RANBP10: variants seen among roughly 807,000 people sequenced by gnomAD.
RANBP10 encodes RAN binding protein 10.
Under a neutral mutation model 72.8 loss-of-function variants are expected in RANBP10, and 24 were observed. The ratio of observed to expected loss-of-function variants is 0.33; its 90% CI spans 0.24 to 0.46. The LOEUF (loss-of-function observed/expected upper bound fraction) is 0.46, where lower values mean the gene tolerates loss of function less well. RANBP10 is among the 20% of genes least tolerant of loss of function. The pLI, the probability that RANBP10 is intolerant of heterozygous loss-of-function variation, is 1.00. For missense variants in RANBP10, 679 were observed against 817.5 expected, an observed-to-expected ratio of 0.83 and a Z score of 2.07; for synonymous variants, 310 against 322.3, an observed-to-expected ratio of 0.96 and a Z score of 0.41.
intron 4 of RANBP10, among the ~76,000 whole-genome samples, chr16:67,742,513 G>A (rs2053989001): frequency 6.6e-6 from 1 of 152,216 alleles, no homozygotes; most frequent in African/African-American, 2.4e-5. Context: ...ATCCACTAAG[G>A]AGATGGATGT....
intron 2 of RANBP10, among the ~76,000 whole-genome samples, chr16:67,776,434 C>T (rs1420527666): frequency 7.1e-6 from 1 of 141,182 alleles, no homozygotes; most frequent in Non-Finnish European, 1.5e-5. Context: ...TGCACTCCAG[C>T]CCGGACAACA....
At chr16:67,732,907 G>A (rs1597827363) in intron 6 of RANBP10, among the ~76,000 whole-genome samples, 1 of 151,534 alleles carries the variant, frequency 6.6e-6, no homozygotes, top group African/African-American at 2.4e-5. Context: ...AAAAAATTAC[G>A]CCCGGGCGTA....
At chr16:67,798,593 A>C (rs2055175378) in intron 2 of RANBP10, among the ~76,000 whole-genome samples, 1 of 152,214 alleles carries the variant, frequency 6.6e-6, no homozygotes, top group African/African-American at 2.4e-5. Flanking sequence ...CAAAACCAAA[A>C]TACCAGAACT....
intron 3 of RANBP10, among the ~76,000 whole-genome samples, chr16:67,755,758 G>A (rs975417194): frequency 1.5e-4 from 23 of 150,942 alleles, no homozygotes; most frequent in Admixed American, 1.3e-3. Flanking sequence ...AGATACATCC[G>A]GCTGGCTCTG....
chr16:67,761,938 C>A (rs1363011678), intron 3 of RANBP10, among the ~76,000 whole-genome samples: 1 of 151,440 alleles, frequency 6.6e-6, no homozygotes, highest in Non-Finnish European at 1.5e-5. Flanking sequence ...AAAAAAAAAA[C>A]ACACACCTTT....
intron 4 of RANBP10, among the ~76,000 whole-genome samples, chr16:67,741,098 G>GA (rs753647299): frequency 2.0e-5 from 3 of 150,618 alleles, no homozygotes; most frequent in Non-Finnish European, 4.4e-5. Context: ...GAGCTCATCT[G>GA]AAAAAAAGAG....
intron 2 of RANBP10, among the ~76,000 whole-genome samples, chr16:67,792,056 A>AG (rs1296885462): frequency 2.0e-5 from 3 of 151,596 alleles, no homozygotes; most frequent in Non-Finnish European, 4.4e-5. Context: ...AAAAAAAAAA[A>AG]AAAAAGTAAA....
chr16:67,801,636 C>T (rs2055236227), intron 2 of RANBP10, among the ~76,000 whole-genome samples: 1 of 152,004 alleles, frequency 6.6e-6, no homozygotes, highest in South Asian at 2.1e-4. Flanking sequence ...ATGGACTAAA[C>T]CAGGATAAAA....
chr16:67,786,597 CAAT>C (rs1245000482), intron 2 of RANBP10, among the ~76,000 whole-genome samples: 1 of 152,168 alleles, frequency 6.6e-6, no homozygotes, highest in Non-Finnish European at 1.5e-5. Flanking sequence ...ATCAAAACCA[CAAT>C]GAGTTACCAC....
intron 2 of RANBP10, among the ~76,000 whole-genome samples, chr16:67,788,031 G>A (rs890034944): frequency 1.3e-5 from 2 of 152,074 alleles, no homozygotes; most frequent in Non-Finnish European, 2.9e-5. Flanking sequence ...TAGAGACTGG[G>A]TTTCACCATG....
rs1256741771 is a variant in RANBP10, at chr16:67,727,455, T to C, written c.1621-17A>G. The C allele has an allele frequency of 6.2e-7, 1 of 1,605,134 alleles. No homozygotes were observed. The highest frequency in any genetic ancestry group is 1.7e-5 in the Admixed American group (1 of 59,202). ...GAAGGCATCCTACAGGACAGGGCAT[T>C]CTTGAGAGGACTGTGGCACACACCA... is the stretch of plus-strand genomic sequence containing the variant. On this transcript the variant is annotated splice_polypyrimidine_tract_variant and intron_variant, in intron 12 of 13. Coordinates refer to ENST00000317506, the MANE Select transcript of RANBP10 (RefSeq NM_020850.3).
chr16:67,780,519 G>A (rs1008604334), intron 2 of RANBP10, among the ~76,000 whole-genome samples: 1 of 152,228 alleles, frequency 6.6e-6, no homozygotes, highest in African/African-American at 2.4e-5. Context: ...AGGCCAAGGC[G>A]GGAAGATCAT....
chr16:67,788,081 C>T, intron 2 of RANBP10, among the ~76,000 whole-genome samples: 1 of 152,120 alleles, frequency 6.6e-6, no homozygotes, highest in East Asian at 1.9e-4. Context: ...TCATGATCCA[C>T]CCGCCTCAGC....
At chr16:67,799,172 G>C (rs1044330720) in intron 2 of RANBP10, among the ~76,000 whole-genome samples, 7 of 152,138 alleles carry the variant, frequency 4.6e-5, no homozygotes, top group East Asian at 1.9e-4. Context: ...CTGAACTCAA[G>C]TGACCTGCCC....
At chr16:67,750,426 C>T (rs1031049538) in intron 3 of RANBP10, among the ~76,000 whole-genome samples, 5 of 152,220 alleles carry the variant, frequency 3.3e-5, no homozygotes, top group African/African-American at 9.7e-5. Context: ...GCCCATATCC[C>T]TGGTCCACTG....
chr16:67,726,323 T>C lies in RANBP10; in HGVS notation c.*105A>G, dbSNP rs765020064. 6.5e-7 allele frequency: 1 copy of C among 1,533,604 alleles called. No individual in the cohort carries two copies. Among genetic ancestry groups the C allele is most frequent in the Non-Finnish European group, 8.9e-7 (1 of 1,129,384 alleles). The allele number at this position is 1,533,604 out of a possible 1,614,324, so 95.0% of individuals were successfully genotyped here. A position where few individuals can be genotyped will look rare whatever the true frequency, so the allele number is the denominator to read the frequency against. On this transcript the variant is annotated 3_prime_UTR_variant, in exon 14 of 14. Transcript: ENST00000317506. ...GAAAGGCCAGGCAGGAGGAGTGGAC[T>C]CTGTCTATGGTTTCCCAGTCCCTGC...
chr16:67,800,510 T>A (rs563437376), intron 2 of RANBP10, among the ~76,000 whole-genome samples: 3 of 152,170 alleles, frequency 2.0e-5, no homozygotes, highest in African/African-American at 7.2e-5. Flanking sequence ...CACAGGTCCA[T>A]GAACTCTGCC....
chr16:67,739,211 C>G (rs12446667), intron 4 of RANBP10: 1 of 152,088 alleles, frequency 6.6e-6, no homozygotes, highest in African/African-American at 2.4e-5. Context: ...AGTGATCTGC[C>G]CACCTCGGCC....
intron 7 of RANBP10, 26 bp downstream of exon 7, chr16:67,731,446 A>G: frequency 6.3e-7 from 1 of 1,578,946 alleles, no homozygotes; most frequent in East Asian, 2.2e-5. Flanking sequence ...TGAGGAAGGG[A>G]AAGGGGAAAG....
Sources: gnomAD v4.1 joint callset for allele counts (sites outside exome capture counted in the v4.1 genomes callset) on GRCh38, gnomAD v4.1.1 for gene constraint, MANE v1.5 for transcripts, NCBI Gene and HGNC (gene_info 2026-07-23, HGNC 2026-07-21) for gene names.